The following SLC10A7 variants were observed in gnomAD, a reference collection of about 807,000 sequenced individuals.
The protein encoded by SLC10A7 is sodium/bile acid cotransporter 7.
In SLC10A7, 29 loss-of-function variants were observed where a neutral mutation model predicts 43.2. That is an observed-to-expected ratio of 0.67 (90% confidence interval 0.50 to 0.92). The LOEUF (loss-of-function observed/expected upper bound fraction) is 0.92, where lower values mean the gene tolerates loss of function less well. Among genes scored for constraint, SLC10A7 ranks in the 40% least tolerant of loss-of-function variants. SLC10A7 has a pLI of 0.00. For synonymous variants in SLC10A7, 152 were observed against 144.8 expected, an observed-to-expected ratio of 1.05 and a Z score of -0.35; for missense variants, 295 against 403.2, an observed-to-expected ratio of 0.73 and a Z score of 2.30.
intron 5 of SLC10A7, among the ~76,000 whole-genome samples, chr4:146,349,360 A>G (rs1734855624): frequency 6.6e-6 from 1 of 152,202 alleles, no homozygotes; most frequent in Non-Finnish European, 1.5e-5. Context: ...AAAAAACAAC[A>G]GTTGATGGTA....
chr4:146,284,459 G>A lies in SLC10A7; in HGVS notation c.774-1194C>T, dbSNP rs545841241. 1.2e-4 allele frequency among the ~76,000 whole-genome samples: 19 copies of A among 152,098 alleles called. No individual in the cohort carries two copies. In the East Asian group the frequency reaches 2.1e-3, roughly 17 times the overall value. On this transcript the variant is annotated intron_variant, in intron 9 of 11. Coordinates refer to ENST00000335472, the MANE Select transcript of SLC10A7 (RefSeq NM_001029998.6). ...AGAAGAGTCCCCTCAACTCCCCGCC[G>A]GGTTCCCCCATCACCCCACCCTGCT... is the stretch of plus-strand genomic sequence containing the variant.
rs185611537 is a variant in SLC10A7 at position 146,507,442 on chromosome 4, C to T, written c.320+2471G>A. 2.4e-4 allele frequency among the ~76,000 whole-genome samples: 37 copies of T among 152,244 alleles called. No individual in the cohort carries two copies. In the East Asian group the frequency reaches 6.9e-3, roughly 29 times the overall value. On this transcript the variant is annotated intron_variant, in intron 3 of 11. Transcript: ENST00000335472. ...GGGCATGGTGGCGGGCACCTGTAAT[C>T]CCAGCTACTCAGGAGGCTTGAGGCA...
chr4:146,390,175 TG>T (rs1292868941), intron 5 of SLC10A7, among the ~76,000 whole-genome samples: 1 of 152,216 alleles, frequency 6.6e-6, no homozygotes, highest in Non-Finnish European at 1.5e-5. Flanking sequence ...GCTCTTTAGT[TG>T]TAAGTAAACC....
chr4:146,346,376 A>G (rs1423206723), intron 5 of SLC10A7, among the ~76,000 whole-genome samples: 1 of 152,144 alleles, frequency 6.6e-6, no homozygotes, highest in Non-Finnish European at 1.5e-5. Context: ...GTATTTTCTG[A>G]AGGTATGAGG....
At chr4:146,515,350 G>A (rs986168163) in intron 2 of SLC10A7, among the ~76,000 whole-genome samples, 4 of 152,164 alleles carry the variant, frequency 2.6e-5, no homozygotes, top group African/African-American at 9.7e-5. Context: ...TATGGTAGTA[G>A]CAAATATCTT....
intron 5 of SLC10A7, among the ~76,000 whole-genome samples, chr4:146,433,412 T>A (rs976785266): frequency 1.3e-4 from 20 of 152,012 alleles, no homozygotes; most frequent in African/African-American, 4.8e-4. Context: ...TATAATAGAA[T>A]AATTTGAAAT....
chr4:146,267,492 A>G (rs1256683763), intron 10 of SLC10A7, among the ~76,000 whole-genome samples: 1 of 152,194 alleles, frequency 6.6e-6, no homozygotes, highest in African/African-American at 2.4e-5. Flanking sequence ...CATTGCACCC[A>G]TCTAAGTGAT....
chr4:146,319,049 G>T (rs1241101303), intron 6 of SLC10A7, among the ~76,000 whole-genome samples: 1 of 151,976 alleles, frequency 6.6e-6, no homozygotes, highest in Non-Finnish European at 1.5e-5. Context: ...CCAGCATCCA[G>T]AATCATTCTT....
In SLC10A7 at chr4:146,273,632, T is replaced by C. The variant is rs527852123; in HGVS notation, c.847+9560A>G. On this transcript the variant is annotated intron_variant, in intron 10 of 11. Transcript: ENST00000335472. Reference sequence around the variant, plus strand: ...ATTATTATTGTTGCTGTTGTTGTTATTATTATTATAAGAAGTAGCATTATG... The same window carrying C: ...ATTATTATTGTTGCTGTTGTTGTTACTATTATTATAAGAAGTAGCATTATG... 2.8e-3 allele frequency among the ~76,000 whole-genome samples: 431 copies of C among 152,232 alleles called. 1 individual carries two copies. The highest frequency in any genetic ancestry group is 9.8e-3 in the African/African-American group (405 of 41,534).
At chr4:146,281,396 C>CA (rs774519759) in intron 10 of SLC10A7, among the ~76,000 whole-genome samples, 4,603 of 74,866 alleles carry the variant, frequency 0.061, 186 homozygotes, top group African/African-American at 0.18. Flanking sequence ...GAAGTAAAAT[C>CA]AAAAAAAAAA....
At chr4:146,468,741 C>A (rs1174131016) in intron 4 of SLC10A7, among the ~76,000 whole-genome samples, 1 of 152,024 alleles carries the variant, frequency 6.6e-6, no homozygotes, top group South Asian at 2.1e-4. Context: ...GGATTACAGG[C>A]GTGAGCCACC....
At chr4:146,287,568 C>A (rs567481041) in intron 9 of SLC10A7, among the ~76,000 whole-genome samples, 1 of 152,020 alleles carries the variant, frequency 6.6e-6, no homozygotes, top group Non-Finnish European at 1.5e-5. Flanking sequence ...GCCTGGGAAT[C>A]AAATACATTA....
rs540819926 is a variant in SLC10A7 at position 146,376,833 on chromosome 4, G to C, written c.436-50837C>G. 3.9e-5 allele frequency among the ~76,000 whole-genome samples: 6 copies of C among 152,300 alleles called. No homozygotes were observed. In the South Asian group the frequency reaches 1.0e-3, roughly 26 times the overall value. On this transcript the variant is annotated intron_variant, in intron 5 of 11. Coordinates refer to ENST00000335472, the MANE Select transcript of SLC10A7 (RefSeq NM_001029998.6). ...AACCTGATGCGTCCACTTTACAGCTGTGTCCCGTTTTTATTGGCTGGAACG... is the reference window on the plus strand; with the variant it reads ...AACCTGATGCGTCCACTTTACAGCTCTGTCCCGTTTTTATTGGCTGGAACG...
intron 7 of SLC10A7, among the ~76,000 whole-genome samples, chr4:146,302,791 T>C (rs558078476): frequency 9.0e-4 from 137 of 152,214 alleles, no homozygotes; most frequent in Non-Finnish European, 1.6e-3. Flanking sequence ...ATTTTTTAAG[T>C]ATCATTTTAT....
intron 3 of SLC10A7, among the ~76,000 whole-genome samples, chr4:146,505,987 T>C (rs1256880780): frequency 6.6e-6 from 1 of 152,206 alleles, no homozygotes; most frequent in Non-Finnish European, 1.5e-5. Flanking sequence ...AAAACTTTTA[T>C]GGGTCAAAGA....
At chr4:146,498,414 G>A (rs916745062) in intron 4 of SLC10A7, among the ~76,000 whole-genome samples, 2 of 151,928 alleles carry the variant, frequency 1.3e-5, no homozygotes, top group South Asian at 2.1e-4. Flanking sequence ...CACCGCCCCC[G>A]GCCTTATTAC....
chr4:146,293,933 T>C lies in SLC10A7; in HGVS notation c.718A>G (p.Ile240Val). The change falls in exon 8 of 12, where the codon ATA becomes GTA. Residue 240 changes from isoleucine (I) to valine (V), a missense_variant. By Grantham distance (29) the Ile-to-Val change is conservative. This residue lies in a region of SLC10A7 where 242 missense variants were observed against 362.5 expected (regional missense o/e 0.67). Transcript: ENST00000335472. Reference protein sequence around the residue: ...DKFSLVLILFIIFSIQLSFML... With the variant: ...DKFSLVLILFVIFSIQLSFML... The stretch of plus-strand genomic sequence containing the variant: ...GCTATCCCATTTTCCAACTTACTTA[T>C]GAACAGTATGAGAACAAGGCTGAAT... 6.2e-7 allele frequency: 1 copy of C among 1,608,384 alleles called. No homozygotes were observed. The highest frequency in any genetic ancestry group is 8.5e-7 in the Non-Finnish European group (1 of 1,176,594).
chr4:146,483,699 C>G (rs988606625), intron 4 of SLC10A7, among the ~76,000 whole-genome samples: 3 of 151,352 alleles, frequency 2.0e-5, no homozygotes, highest in African/African-American at 7.3e-5. Flanking sequence ...AAAAAAAACC[C>G]AGATCCAGCT....
At chr4:146,328,804 A>G (rs1004401472) in intron 5 of SLC10A7, among the ~76,000 whole-genome samples, 2 of 152,108 alleles carry the variant, frequency 1.3e-5, no homozygotes, top group African/African-American at 4.8e-5. Flanking sequence ...CACTATAGAT[A>G]TATCTATAGG....
Sources: gnomAD v4.1 joint callset for allele counts (sites outside exome capture counted in the v4.1 genomes callset) on GRCh38, gnomAD v4.1.1 for gene constraint, gnomAD v4.1.1 regional missense constraint, MANE v1.5 for transcripts, NCBI Gene and HGNC (gene_info 2026-07-23, HGNC 2026-07-21) for gene names.